Variants in DLGAP2 observed in about 807,000 individuals in gnomAD.
The protein encoded by DLGAP2 is disks large-associated protein 2.
A neutral mutation model predicts 100.3 loss-of-function variants in DLGAP2; 26 were observed. That is an observed-to-expected ratio of 0.26 (90% CI 0.19 to 0.36). The LOEUF is 0.36. DLGAP2 is among the 10% of genes least tolerant of loss of function. The probability of loss-of-function intolerance (pLI) is 1.00; values close to 1 mark genes in which losing one functional copy is unlikely to be tolerated. For missense variants in DLGAP2, 1,858 were observed against 1,453.2 expected, an observed-to-expected ratio of 1.28 and a Z score of -4.53; for synonymous variants, 886 against 630.1, an observed-to-expected ratio of 1.41 and a Z score of -6.08.
intron 4 of DLGAP2, 74 bp downstream of exon 4, chr8:1,501,505 T>G (rs1799722724): frequency 1.4e-6 from 2 of 1,414,658 alleles, no homozygotes; most frequent in Admixed American, 2.2e-5. Flanking sequence ...CCTCCCATCA[T>G]GCGGACCGTC....
intron 3 of DLGAP2, among the ~76,000 whole-genome samples, chr8:1,260,759 T>A (rs963633273): frequency 6.6e-6 from 1 of 152,194 alleles, no homozygotes; most frequent in Non-Finnish European, 1.5e-5. Context: ...ACATTCTAGG[T>A]CATGGGATTG....
At chr8:848,890 AACGCGCGG>A (rs1797122901) in intron 1 of DLGAP2, among the ~76,000 whole-genome samples, 16 of 128,094 alleles carry the variant, frequency 1.2e-4, no homozygotes, top group East Asian at 3.5e-4. Context: ...CCAGCATAGG[AACGCGCGG>A]TGCCTGTTCC....
At chr8:1,278,494 A>C (rs1799751783) in intron 3 of DLGAP2, among the ~76,000 whole-genome samples, 1 of 152,194 alleles carries the variant, frequency 6.6e-6, no homozygotes, top group African/African-American at 2.4e-5. Context: ...TAAAAAAACA[A>C]CTGCATATCA....
At chr8:1,138,422 G>C (rs1428870285) in intron 2 of DLGAP2, among the ~76,000 whole-genome samples, 1 of 152,228 alleles carries the variant, frequency 6.6e-6, no homozygotes, top group Admixed American at 6.5e-5. Context: ...CTCCCCTGCT[G>C]AACCTGTGCT....
chr8:1,286,077 G>A (rs1398997871), intron 3 of DLGAP2, among the ~76,000 whole-genome samples: 2 of 152,190 alleles, frequency 1.3e-5, no homozygotes, highest in Non-Finnish European at 2.9e-5. Context: ...TGTAGTAATC[G>A]CTGTGTGTCA....
At chr8:1,317,077 C>T (rs370480875) in intron 3 of DLGAP2, among the ~76,000 whole-genome samples, 1 of 130,496 alleles carries the variant, frequency 7.7e-6, no homozygotes, top group Admixed American at 8.0e-5. Context: ...GGTCTACACT[C>T]GAGACACTCG....
At chr8:1,558,522 C>A (rs1802045926) in intron 5 of DLGAP2, among the ~76,000 whole-genome samples, 1 of 152,134 alleles carries the variant, frequency 6.6e-6, no homozygotes, top group South Asian at 2.1e-4. Flanking sequence ...CATGCATGCA[C>A]ACCCATATAC....
chr8:1,360,079 C>G (rs1345370726), intron 3 of DLGAP2, among the ~76,000 whole-genome samples: 1 of 152,160 alleles, frequency 6.6e-6, no homozygotes, highest in East Asian at 1.9e-4. Context: ...CTGAGGAAAT[C>G]CACCGAAGCC....
chr8:1,316,288 C>A, intron 3 of DLGAP2, among the ~76,000 whole-genome samples: 1 of 135,674 alleles, frequency 7.4e-6, no homozygotes, highest in East Asian at 2.2e-4. Flanking sequence ...TGCAGCGTCT[C>A]TCCAACAGTG....
At chr8:746,322 C>G (rs1055470338) in intron 1 of DLGAP2, among the ~76,000 whole-genome samples, 3 of 152,258 alleles carry the variant, frequency 2.0e-5, no homozygotes, top group South Asian at 4.1e-4. Context: ...CATATTAACT[C>G]ATAGAATTCT....
intron 2 of DLGAP2, among the ~76,000 whole-genome samples, chr8:1,125,573 G>T (rs927940666): frequency 6.6e-6 from 1 of 152,088 alleles, no homozygotes; most frequent in Non-Finnish European, 1.5e-5. Flanking sequence ...TTCTTCTTGC[G>T]ATCTAATCTG....
At chr8:1,258,976 G>C (rs1192567871) in intron 3 of DLGAP2, 93 bp downstream of exon 3, 11 of 1,065,646 alleles carry the variant, frequency 1.0e-5, no homozygotes, top group Non-Finnish European at 1.3e-5. Context: ...GTGTTGGAGA[G>C]AACCTTGAAC....
chr8:1,488,743 C>T (rs377428952), intron 3 of DLGAP2, among the ~76,000 whole-genome samples: 7 of 152,166 alleles, frequency 4.6e-5, no homozygotes, highest in South Asian at 2.1e-4. Flanking sequence ...ATGGGCATGA[C>T]GACGTTTTAT....
chr8:1,017,366 C>CTG (rs747051329), intron 2 of DLGAP2, among the ~76,000 whole-genome samples: 1 of 3,026 alleles, frequency 3.3e-4, no homozygotes. Flanking sequence ...GACGCCTCCA[C>CTG]TGTGTGTGAC....
At chr8:895,490 C>T (rs140712157) in intron 1 of DLGAP2, among the ~76,000 whole-genome samples, 17 of 152,218 alleles carry the variant, frequency 1.1e-4, no homozygotes, top group Admixed American at 8.5e-4. Context: ...ACACGCTTGG[C>T]GCTGATGAGG....
chr8:1,223,374 T>G (rs1162053553), intron 2 of DLGAP2, among the ~76,000 whole-genome samples: 2 of 152,196 alleles, frequency 1.3e-5, no homozygotes, highest in Admixed American at 6.5e-5. Context: ...CCATCTTGGC[T>G]CTTCTCCGCG....
At chr8:1,389,266 C>T (rs558466740) in intron 3 of DLGAP2, among the ~76,000 whole-genome samples, 3 of 139,320 alleles carry the variant, frequency 2.2e-5, no homozygotes, top group African/African-American at 9.9e-5. Flanking sequence ...GACGTGGCTT[C>T]CTCCCAGTCA....
At chr8:1,508,920 C>G (rs138308181) in intron 4 of DLGAP2, among the ~76,000 whole-genome samples, 21 of 152,166 alleles carry the variant, frequency 1.4e-4, no homozygotes, top group African/African-American at 4.8e-4. Flanking sequence ...GTTTTCTGTT[C>G]TGCAGTTCTT....
intron 2 of DLGAP2, among the ~76,000 whole-genome samples, chr8:940,638 G>A (rs926104321): frequency 3.3e-5 from 5 of 152,118 alleles, no homozygotes; most frequent in Non-Finnish European, 5.9e-5. Context: ...GAAGGGGGAA[G>A]GAAAGGTTTT....
Sources: gnomAD v4.1 joint callset for allele counts (sites outside exome capture counted in the v4.1 genomes callset) on GRCh38, gnomAD v4.1.1 for gene constraint, MANE v1.5 for transcripts, NCBI Gene and HGNC (gene_info 2026-07-23, HGNC 2026-07-21) for gene names.